Variants in DGKI observed in about 807,000 individuals in gnomAD.
The protein encoded by DGKI is diacylglycerol kinase iota.
A neutral mutation model predicts 147.5 loss-of-function variants in DGKI; 55 were observed. The observed-to-expected ratio is 0.37, with a 90% CI of 0.30 to 0.47. DGKI has a LOEUF of 0.47. DGKI is among the 20% of genes least tolerant of loss of function. The pLI is 1.00. For missense variants in DGKI, 1,007 were observed against 1,323.8 expected (o/e 0.76, Z 3.71); for synonymous variants, 469 against 477.1 (o/e 0.98, Z 0.22).
At chr7:137,422,826 G>A (rs900262031) in intron 28 of DGKI, among the ~76,000 whole-genome samples, 21 of 151,872 alleles carry the variant, frequency 1.4e-4, no homozygotes, top group Non-Finnish European at 2.8e-4. Context: ...GGATGGTCTC[G>A]ATCTCCTGAC....
At chr7:137,694,243 C>A (rs990799495) in intron 1 of DGKI, among the ~76,000 whole-genome samples, 7 of 151,952 alleles carry the variant, frequency 4.6e-5, no homozygotes, top group Non-Finnish European at 1.0e-4. Context: ...ATGGCATGAA[C>A]CCCAGGGGGC....
chr7:137,746,482 C>T (rs1795337043), intron 1 of DGKI, among the ~76,000 whole-genome samples: 1 of 152,198 alleles, frequency 6.6e-6, no homozygotes, highest in African/African-American at 2.4e-5. Context: ...CCAAGCCACA[C>T]TGTGAAATCT....
intron 1 of DGKI, among the ~76,000 whole-genome samples, chr7:137,803,304 T>C (rs1006083795): frequency 6.6e-6 from 1 of 152,190 alleles, no homozygotes; most frequent in African/African-American, 2.4e-5. Context: ...TCAGAGGCCT[T>C]ACATTCCAGT....
chr7:137,500,250 C>T (rs1816123772), intron 21 of DGKI, among the ~76,000 whole-genome samples: 1 of 152,136 alleles, frequency 6.6e-6, no homozygotes, highest in Non-Finnish European at 1.5e-5. Flanking sequence ...CCCTCTTTCC[C>T]TATTTCCTGT....
chr7:137,825,873 T>C (rs1008200112), intron 1 of DGKI, among the ~76,000 whole-genome samples: 1 of 152,302 alleles, frequency 6.6e-6, no homozygotes, highest in African/African-American at 2.4e-5. Flanking sequence ...AGAAAGAAAA[T>C]TGTGGGACAC....
Position 137,640,069 on chromosome 7 carries a change from G to A in DGKI, c.804+5403C>T, listed in dbSNP as rs374057917. 1.9e-4 allele frequency among the ~76,000 whole-genome samples: 29 copies of A among 151,502 alleles called. 1 individual carries two copies. The South Asian group carries it at 5.2e-3, about 27-fold the overall frequency. On this transcript the variant is annotated intron_variant, in intron 6 of 32. Transcript: ENST00000614521. ...CACAACCCTCTCAGGAAATTTTGAA[G>A]TATTCAACACAGTATTGTTAATTAC...
intron 1 of DGKI, among the ~76,000 whole-genome samples, chr7:137,757,879 A>G (rs1322978011): frequency 6.6e-6 from 1 of 152,242 alleles, no homozygotes; most frequent in Non-Finnish European, 1.5e-5. Flanking sequence ...TTCTCTAAAA[A>G]GTAGTTTAAG....
At position 137,425,489 on chromosome 7, in the gene DGKI, C is replaced by T. The variant is rs187647819; in HGVS notation, c.2762-13282G>A. On this transcript the variant is annotated intron_variant, in intron 28 of 32. Coordinates refer to ENST00000614521, the MANE Select transcript of DGKI (RefSeq NM_001321708.2). ...AGACTGGAAACTCTAAAAAGCAGAG[C>T]GCCTCTCCTCCTCCAAAGGAATGCA... Among the ~76,000 whole-genome samples the T allele has an allele frequency of 8.9e-3, 1,350 of 152,290 alleles. 9 individuals are homozygous for T. Among genetic ancestry groups the T allele is most frequent in the African/African-American group, 0.021 (872 of 41,554 alleles).
At chr7:137,731,164 T>C (rs1316794431) in intron 1 of DGKI, among the ~76,000 whole-genome samples, 2 of 152,064 alleles carry the variant, frequency 1.3e-5, no homozygotes, top group African/African-American at 4.8e-5. Context: ...CATACTAGTA[T>C]TATATCTCTG....
chr7:137,561,321 C>T (rs757392127), intron 19 of DGKI, among the ~76,000 whole-genome samples: 3 of 152,008 alleles, frequency 2.0e-5, no homozygotes, highest in African/African-American at 4.8e-5. Flanking sequence ...AGGAAGAGAA[C>T]GTTAACCACC....
intron 22 of DGKI, among the ~76,000 whole-genome samples, chr7:137,487,040 G>A (rs763183720): frequency 5.3e-5 from 8 of 152,080 alleles, no homozygotes; most frequent in Non-Finnish European, 8.8e-5. Context: ...TGGGTCTCCT[G>A]GCTTTGCTGG....
At chr7:137,494,094 C>T (rs1438687591) in intron 21 of DGKI, among the ~76,000 whole-genome samples, 1 of 151,882 alleles carries the variant, frequency 6.6e-6, no homozygotes, top group Admixed American at 6.6e-5. Context: ...GACCAGTCCT[C>T]CAGAATAACT....
intron 5 of DGKI, among the ~76,000 whole-genome samples, chr7:137,645,930 C>T (rs1428906348): frequency 6.6e-6 from 1 of 152,172 alleles, no homozygotes; most frequent in African/African-American, 2.4e-5. Flanking sequence ...TCTGTAGATT[C>T]CACTTCTCAT....
chr7:137,610,344 C>T (rs1363520562), intron 8 of DGKI, among the ~76,000 whole-genome samples: 1 of 152,032 alleles, frequency 6.6e-6, no homozygotes, highest in Non-Finnish European at 1.5e-5. Context: ...ATACAGTGAC[C>T]CCCAAATTTA....
chr7:137,564,317 A>G (rs1193314349), intron 19 of DGKI, among the ~76,000 whole-genome samples: 1 of 152,186 alleles, frequency 6.6e-6, no homozygotes, highest in Non-Finnish European at 1.5e-5. Context: ...TCTTTCTGGG[A>G]GTAATCAAAG....
chr7:137,716,530 C>T (rs1432727718), intron 1 of DGKI, among the ~76,000 whole-genome samples: 1 of 152,174 alleles, frequency 6.6e-6, no homozygotes, highest in African/African-American at 2.4e-5. Flanking sequence ...GAAAACTCAG[C>T]AGGGAGGTAA....
At chr7:137,638,640 A>ATGTATGTATATG (rs1821498385) in intron 6 of DGKI, among the ~76,000 whole-genome samples, 1 of 40,286 alleles carries the variant, frequency 2.5e-5, no homozygotes, top group Admixed American at 3.2e-4. Context: ...GTGTGTATAT[A>ATGTATGTATATG]TGTGTATGTA....
At chr7:137,429,311 C>T (rs1425615862) in intron 28 of DGKI, among the ~76,000 whole-genome samples, 3 of 152,124 alleles carry the variant, frequency 2.0e-5, no homozygotes, top group East Asian at 1.9e-4. Context: ...GAAAGGATTC[C>T]CTATTTAATA....
intron 20 of DGKI, among the ~76,000 whole-genome samples, chr7:137,538,128 C>G (rs985638456): frequency 1.3e-5 from 2 of 152,172 alleles, no homozygotes; most frequent in Admixed American, 6.5e-5. Context: ...GTTTACTTCT[C>G]TGGCCAGAGG....
Sources: allele counts gnomAD v4.1 joint callset (sites outside exome capture counted in the v4.1 genomes callset), GRCh38; gene constraint gnomAD v4.1.1; transcripts MANE v1.5; gene names NCBI Gene and HGNC (gene_info 2026-07-23, HGNC 2026-07-21).